ASDURF: variants seen among roughly 807,000 people sequenced by gnomAD.
ASDURF encodes the protein ASNSD1 upstream open reading frame.
Under a neutral mutation model 3.3 loss-of-function variants are expected in ASDURF, and 3 were observed. That is an observed-to-expected ratio of 0.92 (90% confidence interval 0.42 to 2.37). The LOEUF (loss-of-function observed/expected upper bound fraction) is 2.37. Among genes scored for constraint, ASDURF ranks in the 30% most tolerant of loss-of-function variants. ASDURF has a pLI of 0.05. For missense variants in ASDURF, 23 were observed against 25.4 expected (o/e 0.90, Z 0.21); for synonymous variants, 11 against 8.3 (o/e 1.32, Z -0.55).
intron 3 of ASDURF, among the ~76,000 whole-genome samples, 185 bp downstream of exon 3, chr2:189,665,636 A>ATGTG (rs1559034517): frequency 6.0e-4 from 66 of 110,390 alleles, no homozygotes; most frequent in Non-Finnish European, 1.0e-3. Context: ...ATATATATAT[A>ATGTG]TATATATATA....
chr2:189,663,360 TCTC>T (rs2032714777), intron 1 of ASDURF, among the ~76,000 whole-genome samples: 2 of 152,248 alleles, frequency 1.3e-5, no homozygotes, highest in South Asian at 2.1e-4. Context: ...TTCAAGCAGT[TCTC>T]CTGCCTCAGC....
At chr2:189,663,830 C>T (rs79477010) in intron 1 of ASDURF, 71 bp from the exon 2 acceptor site, 1 of 365,282 alleles carries the variant, frequency 2.7e-6, no homozygotes, top group Non-Finnish European at 4.9e-6. Flanking sequence ...TTTAAAACAA[C>T]CCCTTAAGGG....
At chr2:189,662,799 C>T (rs1180849932) in intron 1 of ASDURF, among the ~76,000 whole-genome samples, 3 of 151,918 alleles carry the variant, frequency 2.0e-5, no homozygotes, top group African/African-American at 7.3e-5. Flanking sequence ...ATAAATGAAG[C>T]CCAGGCCAGC....
In ASDURF at chr2:189,663,900, G is replaced by T. The variant is rs2032729027; in HGVS notation, c.91-1G>T. The T allele has an allele frequency of 2.6e-6, 1 of 387,644 alleles. No homozygotes were observed. The highest frequency in any genetic ancestry group is 4.6e-6 in the Non-Finnish European group (1 of 218,290). The allele number at this position is 387,644 out of a possible 1,614,324, so 24.0% of individuals were successfully genotyped here. A position where few individuals can be genotyped will look rare whatever the true frequency, so the allele number is the denominator to read the frequency against. On this transcript the variant is annotated splice_acceptor_variant, in intron 1 of 3. Transcript: ENST00000607829. LOFTEE classifies it high-confidence loss of function. ...TAAGGAGTTTTTCTTTATTTCAATA[G>T]ATTAAAGAACAAAAAATTGTGGTGG...
chr2:189,666,394 G>A lies in ASDURF; in HGVS notation c.*283G>A. 2 of 1,613,998 alleles carry A rather than the reference G, an allele frequency of 1.2e-6. No individual in the cohort carries two copies. Among genetic ancestry groups the A allele is most frequent in the Non-Finnish European group, 1.7e-6 (2 of 1,179,984 alleles). On this transcript the variant is annotated 3_prime_UTR_variant, in exon 4 of 4. Coordinates refer to ENST00000607829, the MANE Select transcript of ASDURF (RefSeq NM_001353493.2). The stretch of plus-strand genomic sequence containing the variant: ...TTTTAGTGGAATAAAGGTTGAAGCT[G>A]AAGAGAATGACACTCAAATTTTGTT...
At chr2:189,662,628 A>G (rs796406544) in intron 1 of ASDURF, among the ~76,000 whole-genome samples, 2 of 152,348 alleles carry the variant, frequency 1.3e-5, no homozygotes, top group South Asian at 2.1e-4. Flanking sequence ...CCACTTACGC[A>G]TACTGGTGGT....
chr2:189,661,806 T>C (rs2032671432), intron 1 of ASDURF, among the ~76,000 whole-genome samples, 196 bp downstream of exon 1: 1 of 152,210 alleles, frequency 6.6e-6, no homozygotes, highest in African/African-American at 2.4e-5. Context: ...AAAAGGGAGA[T>C]CTTGAAATTT....
intron 1 of ASDURF, among the ~76,000 whole-genome samples, chr2:189,662,864 C>A (rs916939797): frequency 1.3e-5 from 2 of 151,098 alleles, no homozygotes; most frequent in African/African-American, 4.9e-5. Context: ...GTGAGAATCG[C>A]CTGAGCCCGG....
chr2:189,664,353 C>G (rs73049960), intron 2 of ASDURF, among the ~76,000 whole-genome samples: 5,113 of 152,188 alleles, frequency 0.034, 296 homozygotes, highest in African/African-American at 0.12. Context: ...CATTGCTTCC[C>G]CTCCCTCCAA....
Position 189,661,486 on chromosome 2 carries a change from G to T in ASDURF, c.-35G>T. 2.5e-6 allele frequency: 1 copy of T among 399,248 alleles called. No individual in the cohort carries two copies. Among genetic ancestry groups the T allele is most frequent in the Non-Finnish European group, 4.4e-6 (1 of 226,210 alleles). 24.7% of individuals were successfully genotyped at this position (399,248 alleles called of 1,614,324 possible). On this transcript the variant is annotated 5_prime_UTR_variant, in exon 1 of 4. Coordinates refer to ENST00000607829, the MANE Select transcript of ASDURF (RefSeq NM_001353493.2). ...GGCTAATGCCGTAGGCTCCTTCAGG[G>T]CTGAGCCATCCCGCGTGTCTTGCGC...
chr2:189,666,334 G>A lies in ASDURF; in HGVS notation c.*223G>A, dbSNP rs776106961. ...TTTGACTACCCAGCCTGTGGAAGAT[G>A]AAAGAGGCAATGTGTTTCTATGGAA... On this transcript the variant is annotated 3_prime_UTR_variant, in exon 4 of 4. Transcript: ENST00000607829. The A allele has an allele frequency of 6.2e-7, 1 of 1,613,894 alleles. No individual in the cohort carries two copies. The highest frequency in any genetic ancestry group is 2.2e-5 in the East Asian group (1 of 44,878).
In ASDURF at chr2:189,666,041, A is replaced by C; in HGVS notation, c.221A>C (p.Asn74Thr). 7.5e-7 allele frequency: 1 copy of C among 1,337,016 alleles called. No homozygotes were observed. The highest frequency in any genetic ancestry group is 1.0e-6 in the Non-Finnish European group (1 of 987,818). 82.8% of individuals were successfully genotyped at this position (1,337,016 alleles called of 1,614,324 possible). Residue 74 changes from asparagine to threonine, a missense_variant and splice_region_variant, in exon 4 of 4, where the codon AAT (asparagine) becomes ACT (threonine). Asn to Thr is a moderately conservative substitution (Grantham distance 65, BLOSUM62 0). Transcript: ENST00000607829. ...TATTTATTCTCCTTCCCTGCAACAG[A>C]TATATTGGATGAACTGAAAAAAGAA... Reference protein sequence around the residue: ...DRTEMLSESKNILDELKKEYQ... With the variant: ...DRTEMLSESKTILDELKKEYQ...
chr2:189,664,505 T>C (rs12693551), intron 2 of ASDURF, among the ~76,000 whole-genome samples: 96,810 of 152,172 alleles, frequency 0.64, 32,661 homozygotes, highest in South Asian at 0.76. Flanking sequence ...AGAAATGAGT[T>C]TGAGCTCTTA....
chr2:189,661,483 A>G lies in ASDURF; in HGVS notation c.-38A>G, dbSNP rs1050074916. The G allele has an allele frequency of 2.0e-5, 8 of 399,022 alleles. No individual in the cohort carries two copies. The highest frequency in any genetic ancestry group is 6.2e-4 in the Middle Eastern group (1 of 1,612). The allele number at this position is 399,022 out of a possible 1,614,324, so 24.7% of individuals were successfully genotyped here. On this transcript the variant is annotated 5_prime_UTR_variant, in exon 1 of 4. Coordinates refer to ENST00000607829, the MANE Select transcript of ASDURF (RefSeq NM_001353493.2). ...TGTGGCTAATGCCGTAGGCTCCTTC[A>G]GGGCTGAGCCATCCCGCGTGTCTTG...
intron 1 of ASDURF, among the ~76,000 whole-genome samples, chr2:189,662,625 C>A (rs542328714): frequency 6.6e-6 from 1 of 152,132 alleles, no homozygotes; most frequent in Non-Finnish European, 1.5e-5. Flanking sequence ...AAGCCACTTA[C>A]GCATACTGGT....
rs777595485 is a variant in ASDURF, at chr2:189,666,385, G to A, written c.*274G>A. 6.2e-7 allele frequency: 1 copy of A among 1,613,910 alleles called. No homozygotes were observed. Among genetic ancestry groups the A allele is most frequent in the African/African-American group, 1.3e-5 (1 of 74,922 alleles). On this transcript the variant is annotated 3_prime_UTR_variant, in exon 4 of 4. Transcript: ENST00000607829. ...TGGAGAAATTTTTAGTGGAATAAAG[G>A]TTGAAGCTGAAGAGAATGACACTCA...
chr2:189,666,006 T>C, intron 3 of ASDURF, 35 bp from the exon 4 acceptor site: 3 of 1,089,174 alleles, frequency 2.8e-6, no homozygotes, highest in Non-Finnish European at 3.8e-6. Flanking sequence ...AGAATTTTTA[T>C]GTTATTTAAT....
Position 189,665,638 on chromosome 2 carries a change from A to ATGTG in ASDURF, c.220+188_220+189insGTGT, listed in dbSNP as rs2032783348. On this transcript the variant is annotated intron_variant, in intron 3 of 3. Coordinates refer to ENST00000607829, the MANE Select transcript of ASDURF (RefSeq NM_001353493.2). ...TATATATATATATATATATATATAT[A>ATGTG]TATATATATTATAAATGTTTTAGAA... 2.0e-4 allele frequency among the ~76,000 whole-genome samples: 23 copies of ATGTG among 114,898 alleles called. 1 individual carries two copies. The highest frequency in any genetic ancestry group is 9.7e-4 in the Admixed American group (10 of 10,270). The allele number at this position is 114,898 out of a possible 152,430, so 75.4% of individuals were successfully genotyped here.
intron 1 of ASDURF, among the ~76,000 whole-genome samples, 180 bp from the exon 2 acceptor site, chr2:189,663,721 G>A (rs1356010952): frequency 2.0e-5 from 3 of 151,976 alleles, no homozygotes; most frequent in South Asian, 4.1e-4. Flanking sequence ...TTCCTGAACT[G>A]TACCCCCACA....
Sources: allele counts gnomAD v4.1 joint callset (sites outside exome capture counted in the v4.1 genomes callset), GRCh38; gene constraint gnomAD v4.1.1; transcripts MANE v1.5; gene names NCBI Gene and HGNC (gene_info 2026-07-23, HGNC 2026-07-21).